The following RAP2B variants were observed in gnomAD, a reference collection of about 807,000 sequenced individuals.
The protein encoded by RAP2B is ras-related protein Rap-2b.
In RAP2B, 6 loss-of-function variants were observed where a neutral mutation model predicts 14.4. That is an observed-to-expected ratio of 0.42 (90% CI 0.23 to 0.82). The LOEUF (loss-of-function observed/expected upper bound fraction) is 0.82. Among genes scored for constraint, RAP2B ranks in the 40% least tolerant of loss-of-function variants. The pLI, the probability that RAP2B is intolerant of heterozygous loss-of-function variation, is 0.30. For missense variants in RAP2B, 137 were observed against 248.2 expected (o/e 0.55, Z 3.01); for synonymous variants, 118 against 113.2 (o/e 1.04, Z -0.27).
chr3:153,168,743 C>T lies in RAP2B; in HGVS notation c.*5498C>T, dbSNP rs2108017518. On this transcript the variant is annotated 3_prime_UTR_variant, in exon 1 of 1. Coordinates refer to ENST00000323534, the MANE Select transcript of RAP2B (RefSeq NM_002886.4). ...ATAAACTTTTTTAAAGTTTAGTTTG[C>T]CCATCTGATAAAGGAACATTCCTGT... 1 of 152,218 alleles carries T rather than the reference C, an allele frequency of 6.6e-6. No individual in the cohort carries two copies. Among genetic ancestry groups the T allele is most frequent in the African/African-American group, 2.4e-5 (1 of 41,538 alleles). The allele number at this position is 152,218 out of a possible 1,614,324, so 9.4% of individuals were successfully genotyped here.
In RAP2B at chr3:153,169,565, C is replaced by T. The variant is rs1204110490; in HGVS notation, c.*6320C>T. The T allele has an allele frequency of 6.5e-6, 1 of 152,876 alleles. No homozygotes were observed. Among genetic ancestry groups the T allele is most frequent in the Non-Finnish European group, 1.5e-5 (1 of 68,612 alleles). 9.5% of individuals were successfully genotyped at this position (152,876 alleles called of 1,614,324 possible). On this transcript the variant is annotated 3_prime_UTR_variant, in exon 1 of 1. Transcript: ENST00000323534. ...GGTTCAAGCGATTAGCCTGCCTCATCCTCCTGAGTAGCTGGGATTACAGGC... is the reference window on the plus strand; with the variant it reads ...GGTTCAAGCGATTAGCCTGCCTCATTCTCCTGAGTAGCTGGGATTACAGGC...
rs1713614361 is a variant in RAP2B at position 153,167,564 on chromosome 3, G to A, written c.*4319G>A. ...AGCCACCTAGATATTGAGAGACACA[G>A]ACTTCAGACTCATGTCACACATTTT... is the stretch of plus-strand genomic sequence containing the variant. On this transcript the variant is annotated 3_prime_UTR_variant, in exon 1 of 1. Transcript: ENST00000323534. 1 of 167,056 alleles carries A rather than the reference G, an allele frequency of 6.0e-6. No individual in the cohort carries two copies. Among genetic ancestry groups the A allele is most frequent in the South Asian group, 2.1e-4 (1 of 4,834 alleles). The allele number at this position is 167,056 out of a possible 1,614,324, so 10.3% of individuals were successfully genotyped here. A position where few individuals can be genotyped will look rare whatever the true frequency, so the allele number is the denominator to read the frequency against.
chr3:153,163,444 A>T lies in RAP2B; in HGVS notation c.*199A>T. The T allele has an allele frequency of 1.5e-6, 1 of 662,696 alleles. No homozygotes were observed. 41.1% of individuals were successfully genotyped at this position (662,696 alleles called of 1,614,324 possible). On this transcript the variant is annotated 3_prime_UTR_variant, in exon 1 of 1. Transcript: ENST00000323534. Reference sequence around the variant, plus strand: ...GGGGGTGTCCGGTCCTGCCCATCCGATACTCTGGTGGAAATGTGGCTCTTT... The same window carrying T: ...GGGGGTGTCCGGTCCTGCCCATCCGTTACTCTGGTGGAAATGTGGCTCTTT...
rs1667042206 is a variant in RAP2B at position 153,164,433 on chromosome 3, T to G, written c.*1188T>G. 1 of 167,092 alleles carries G rather than the reference T, an allele frequency of 6.0e-6. No individual in the cohort carries two copies. The allele number at this position is 167,092 out of a possible 1,614,324, so 10.4% of individuals were successfully genotyped here. The stretch of plus-strand genomic sequence containing the variant: ...CAGGACAATAGGGCCTGTTGTTTAG[T>G]GAATTTCTTTATTATTTTCAGCCTT... On this transcript the variant is annotated 3_prime_UTR_variant, in exon 1 of 1. Coordinates refer to ENST00000323534, the MANE Select transcript of RAP2B (RefSeq NM_002886.4).
Position 153,164,683 on chromosome 3 carries a change from CATTTT to C in RAP2B, c.*1440_*1444del, listed in dbSNP as rs1395091775. The C allele has an allele frequency of 1.2e-5, 2 of 167,152 alleles. No individual in the cohort carries two copies. The highest frequency in any genetic ancestry group is 2.4e-5 in the African/African-American group (1 of 41,562). 10.4% of individuals were successfully genotyped at this position (167,152 alleles called of 1,614,324 possible). A position where few individuals can be genotyped will look rare whatever the true frequency, so the allele number is the denominator to read the frequency against. ...TTCATGCGTTTAATCATTGTCTCTT[CATTTT>C]AAGACTTTTAATACAAATGTCATTT... On this transcript the variant is annotated 3_prime_UTR_variant, in exon 1 of 1. Coordinates refer to ENST00000323534, the MANE Select transcript of RAP2B (RefSeq NM_002886.4).
rs1404284759 is a variant in RAP2B at position 153,166,684 on chromosome 3, C to T, written c.*3439C>T. 1.8e-5 allele frequency: 3 copies of T among 166,978 alleles called. No homozygotes were observed. The highest frequency in any genetic ancestry group is 4.8e-5 in the African/African-American group (2 of 41,442). The allele number at this position is 166,978 out of a possible 1,614,324, so 10.3% of individuals were successfully genotyped here. A position where few individuals can be genotyped will look rare whatever the true frequency, so the allele number is the denominator to read the frequency against. ...TAGTCTTTGAGAGTTACGGTTCTTT[C>T]GTAGAACAATTTCCATGTTGTTAAC... On this transcript the variant is annotated 3_prime_UTR_variant, in exon 1 of 1. Coordinates refer to ENST00000323534, the MANE Select transcript of RAP2B (RefSeq NM_002886.4).
rs1358928263 is a variant in RAP2B at position 153,162,432 on chromosome 3, G to A, written c.-262G>A. The A allele has an allele frequency of 7.3e-6, 2 of 273,674 alleles. No homozygotes were observed. The highest frequency in any genetic ancestry group is 1.4e-5 in the Non-Finnish European group (2 of 147,584). 17.0% of individuals were successfully genotyped at this position (273,674 alleles called of 1,614,324 possible). A position where few individuals can be genotyped will look rare whatever the true frequency, so the allele number is the denominator to read the frequency against. ...GCTGCGGGCATTGTCCTCTCGGTTC[G>A]CCGCCCGGGCTGCTGCTGCCGCCGC... On this transcript the variant is annotated 5_prime_UTR_variant, in exon 1 of 1. Coordinates refer to ENST00000323534, the MANE Select transcript of RAP2B (RefSeq NM_002886.4). The surrounding 1 kb of genome is among the most constrained non-coding windows in gnomAD (Gnocchi z 4.9).
rs140782416 is a variant in RAP2B, at chr3:153,162,729, C to T, written c.36C>T (p.Gly12=). ...REYKVVVLGS[G]GVGKSALTVQ... ...ACAAAGTGGTGGTGCTGGGCTCGGG[C>T]GGCGTGGGCAAGTCCGCGCTCACCG... The change falls in exon 1 of 1, where the codon GGC becomes GGT. Residue 12 remains glycine (G), a synonymous_variant. Coordinates refer to ENST00000323534, the MANE Select transcript of RAP2B (RefSeq NM_002886.4). The surrounding 1 kb of genome is among the most constrained non-coding windows in gnomAD (Gnocchi z 4.9). 1.2e-6 allele frequency: 2 copies of T among 1,613,446 alleles called. No homozygotes were observed. Among genetic ancestry groups the T allele is most frequent in the African/African-American group, 1.3e-5 (1 of 75,056 alleles).
At position 153,167,863 on chromosome 3, in the gene RAP2B, A is replaced by G. The variant is rs922070108; in HGVS notation, c.*4618A>G. ...CCTTCTCCCCAACCTAGGGGAAAAA[A>G]AATTTGAAAAGTATGTCTTCAATAA... On this transcript the variant is annotated 3_prime_UTR_variant, in exon 1 of 1. Coordinates refer to ENST00000323534, the MANE Select transcript of RAP2B (RefSeq NM_002886.4). 1 of 166,910 alleles carries G rather than the reference A, an allele frequency of 6.0e-6. No individual in the cohort carries two copies. The highest frequency in any genetic ancestry group is 2.4e-5 in the African/African-American group (1 of 41,450). The allele number at this position is 166,910 out of a possible 1,614,324, so 10.3% of individuals were successfully genotyped here.
In RAP2B at chr3:153,166,590, G is replaced by A. The variant is rs1713584702; in HGVS notation, c.*3345G>A. ...ATCCAGGTTTTATGTTATTTCAAAA[G>A]GGTTATTTTTGTCCTCCTTTTTTAA... is the stretch of plus-strand genomic sequence containing the variant. On this transcript the variant is annotated 3_prime_UTR_variant, in exon 1 of 1. Coordinates refer to ENST00000323534, the MANE Select transcript of RAP2B (RefSeq NM_002886.4). 1.2e-5 allele frequency: 2 copies of A among 167,000 alleles called. No homozygotes were observed. The highest frequency in any genetic ancestry group is 6.5e-5 in the Admixed American group (1 of 15,270). 10.3% of individuals were successfully genotyped at this position (167,000 alleles called of 1,614,324 possible).
In RAP2B at chr3:153,164,069, T is replaced by C. The variant is rs1713499460; in HGVS notation, c.*824T>C. The C allele has an allele frequency of 6.0e-6, 1 of 166,944 alleles. No individual in the cohort carries two copies. The allele number at this position is 166,944 out of a possible 1,614,324, so 10.3% of individuals were successfully genotyped here. The stretch of plus-strand genomic sequence containing the variant: ...TCTGGGGGAGAATGGTAGTATTTTT[T>C]TTTTTTATCAGCTGTGAAAAAAATG... On this transcript the variant is annotated 3_prime_UTR_variant, in exon 1 of 1. Transcript: ENST00000323534.
rs1435209627 is a variant in RAP2B, at chr3:153,167,399, T to C, written c.*4154T>C. ...ATGTACTGCTGGGACCCTCCTCCAG[T>C]TTCTTACCCAGTGGGTCTCGGGTAG... On this transcript the variant is annotated 3_prime_UTR_variant, in exon 1 of 1. Coordinates refer to ENST00000323534, the MANE Select transcript of RAP2B (RefSeq NM_002886.4). 1.8e-5 allele frequency: 3 copies of C among 167,042 alleles called. No homozygotes were observed. Among genetic ancestry groups the C allele is most frequent in the African/African-American group, 7.2e-5 (3 of 41,464 alleles). 10.3% of individuals were successfully genotyped at this position (167,042 alleles called of 1,614,324 possible). A position where few individuals can be genotyped will look rare whatever the true frequency, so the allele number is the denominator to read the frequency against.
chr3:153,163,195 G>A lies in RAP2B; in HGVS notation c.502G>A (p.Ala168Thr). 1.9e-6 allele frequency: 3 copies of A among 1,598,102 alleles called. No individual in the cohort carries two copies. The highest frequency in any genetic ancestry group is 2.6e-6 in the Non-Finnish European group (3 of 1,172,986). Reference sequence around the variant, plus strand: ...GATCGTGCGGCAGATGAACTACGCGGCGCAGCCCAACGGCGATGAGGGCTG... The same window carrying A: ...GATCGTGCGGCAGATGAACTACGCGACGCAGCCCAACGGCGATGAGGGCTG... ...AEIVRQMNYA[A>T]QPNGDEGCCS... Residue 168 changes from alanine (A) to threonine (T), a missense_variant, in exon 1 of 1, where the codon GCG becomes ACG. By Grantham distance (58) the Ala-to-Thr change is moderately conservative. Coordinates refer to ENST00000323534, the MANE Select transcript of RAP2B (RefSeq NM_002886.4).
At position 153,163,499 on chromosome 3, in the gene RAP2B, T is replaced by A. The variant is rs150494961; in HGVS notation, c.*254T>A. ...CATGTACGTTTCTCCCTGATTTTGG[T>A]TGATGCATATTTCCCCGTTTAAGTA... On this transcript the variant is annotated 3_prime_UTR_variant, in exon 1 of 1. Coordinates refer to ENST00000323534, the MANE Select transcript of RAP2B (RefSeq NM_002886.4). 1,640 of 502,508 alleles carry A rather than the reference T, an allele frequency of 3.3e-3. 25 individuals carry two copies. The highest frequency in any genetic ancestry group is 0.03 in the African/African-American group (1,492 of 50,478). 31.1% of individuals were successfully genotyped at this position (502,508 alleles called of 1,614,324 possible). A position where few individuals can be genotyped will look rare whatever the true frequency, so the allele number is the denominator to read the frequency against.
In RAP2B at chr3:153,167,957, T is replaced by A. The variant is rs1232300197; in HGVS notation, c.*4712T>A. 4 of 167,022 alleles carry A rather than the reference T, an allele frequency of 2.4e-5. No homozygotes were observed. The highest frequency in any genetic ancestry group is 9.7e-5 in the African/African-American group (4 of 41,438). The allele number at this position is 167,022 out of a possible 1,614,324, so 10.3% of individuals were successfully genotyped here. ...AGATTTTAAGTTTTCATGGCAAGGGTTCTAAAAATCATTGTGCCAGAGAAT... is the reference window on the plus strand; with the variant it reads ...AGATTTTAAGTTTTCATGGCAAGGGATCTAAAAATCATTGTGCCAGAGAAT... On this transcript the variant is annotated 3_prime_UTR_variant, in exon 1 of 1. Transcript: ENST00000323534.
In RAP2B at chr3:153,166,116, T is replaced by C. The variant is rs1713568238; in HGVS notation, c.*2871T>C. 6.0e-6 allele frequency: 1 copy of C among 167,066 alleles called. No individual in the cohort carries two copies. The highest frequency in any genetic ancestry group is 2.4e-5 in the African/African-American group (1 of 41,456). 10.3% of individuals were successfully genotyped at this position (167,066 alleles called of 1,614,324 possible). A position where few individuals can be genotyped will look rare whatever the true frequency, so the allele number is the denominator to read the frequency against. ...TCACTTGCAGGACCTCTTTATAGTC[T>C]AGGATGGCAGAGCAGAAGATTTTAA... is the stretch of plus-strand genomic sequence containing the variant. On this transcript the variant is annotated 3_prime_UTR_variant, in exon 1 of 1. Coordinates refer to ENST00000323534, the MANE Select transcript of RAP2B (RefSeq NM_002886.4).
rs1044704486 is a variant in RAP2B at position 153,163,590 on chromosome 3, T to TG, written c.*352dup. On this transcript the variant is annotated 3_prime_UTR_variant, in exon 1 of 1. Coordinates refer to ENST00000323534, the MANE Select transcript of RAP2B (RefSeq NM_002886.4). Reference sequence around the variant, plus strand: ...CAAAAGTTTCAGCCTGGAAAAAAAATGGGGGGGAAGGGTGGATGAAAAGGA... The same window carrying TG: ...CAAAAGTTTCAGCCTGGAAAAAAAATGGGGGGGGAAGGGTGGATGAAAAGGA... The TG allele has an allele frequency of 5.8e-5, 11 of 189,452 alleles. No individual in the cohort carries two copies. Among genetic ancestry groups the TG allele is most frequent in the Non-Finnish European group, 9.0e-5 (8 of 89,140 alleles). 11.7% of individuals were successfully genotyped at this position (189,452 alleles called of 1,614,324 possible). A position where few individuals can be genotyped will look rare whatever the true frequency, so the allele number is the denominator to read the frequency against.
chr3:153,168,339 A>T lies in RAP2B; in HGVS notation c.*5094A>T, dbSNP rs1713637225. The T allele has an allele frequency of 6.0e-6, 1 of 167,056 alleles. No individual in the cohort carries two copies. Among genetic ancestry groups the T allele is most frequent in the African/African-American group, 2.4e-5 (1 of 41,446 alleles). 10.3% of individuals were successfully genotyped at this position (167,056 alleles called of 1,614,324 possible). ...TGAGGGAGTAGTAGCTACTATTTAG[A>T]TGCTGAGAATAATATTATCATGCTT... On this transcript the variant is annotated 3_prime_UTR_variant, in exon 1 of 1. Coordinates refer to ENST00000323534, the MANE Select transcript of RAP2B (RefSeq NM_002886.4).
rs1291723795 is a variant in RAP2B at position 153,170,308 on chromosome 3, A to G, written c.*7063A>G. ...GAATATGGTTGCAGTGGAAATTGGT[A>G]AACAGCTGAAATTGATTCATTGATT... is the stretch of plus-strand genomic sequence containing the variant. On this transcript the variant is annotated 3_prime_UTR_variant, in exon 1 of 1. Coordinates refer to ENST00000323534, the MANE Select transcript of RAP2B (RefSeq NM_002886.4). 2 of 152,226 alleles carry G rather than the reference A, an allele frequency of 1.3e-5. No individual in the cohort carries two copies. The highest frequency in any genetic ancestry group is 4.8e-5 in the African/African-American group (2 of 41,458). The allele number at this position is 152,226 out of a possible 1,614,324, so 9.4% of individuals were successfully genotyped here. A position where few individuals can be genotyped will look rare whatever the true frequency, so the allele number is the denominator to read the frequency against.
Sources: gnomAD v4.1 joint callset for allele counts on GRCh38, gnomAD v4.1.1 for gene constraint, Gnocchi (gnomAD v3.1) non-coding constraint, MANE v1.5 for transcripts, NCBI Gene and HGNC (gene_info 2026-07-23, HGNC 2026-07-21) for gene names.